The following NUDCD3 variants were observed in gnomAD, a reference collection of about 807,000 sequenced individuals.
NUDCD3 encodes the protein NudC domain containing 3.
NUDCD3 carries 13 observed loss-of-function variants against 39.7 expected under a neutral mutation model. The observed-to-expected ratio is 0.33, with a 90% CI of 0.21 to 0.52. The LOEUF (loss-of-function observed/expected upper bound fraction) is 0.52. Among genes scored for constraint, NUDCD3 ranks in the 20% least tolerant of loss-of-function variants. NUDCD3 has a pLI of 0.96. For synonymous variants in NUDCD3, 175 were observed against 172.4 expected (o/e 1.02, Z -0.12); for missense variants, 453 against 458.1 (o/e 0.99, Z 0.10).
chr7:44,432,201 G>C (rs1250486368), intron 2 of NUDCD3, among the ~76,000 whole-genome samples: 1 of 152,196 alleles, frequency 6.6e-6, no homozygotes, highest in African/African-American at 2.4e-5. Context: ...AGAATAGCTT[G>C]AGCCCAGGCG....
chr7:44,423,495 A>G (rs928223723), intron 3 of NUDCD3, among the ~76,000 whole-genome samples: 1 of 152,162 alleles, frequency 6.6e-6, no homozygotes, highest in African/African-American at 2.4e-5. Flanking sequence ...CTATATACCA[A>G]TAATAGACAA....
intron 3 of NUDCD3, among the ~76,000 whole-genome samples, 184 bp from the exon 4 acceptor site, chr7:44,404,767 T>C (rs947433111): frequency 2.3e-5 from 1 of 43,016 alleles, no homozygotes; most frequent in Non-Finnish European, 4.4e-5. Context: ...AACCTGAAGA[T>C]GTCAGCTCAT....
chr7:44,418,036 C>T (rs1458688785), intron 3 of NUDCD3, among the ~76,000 whole-genome samples: 1 of 152,092 alleles, frequency 6.6e-6, no homozygotes, highest in African/African-American at 2.4e-5. Context: ...TGCCATGGAC[C>T]CCACCCAAAC....
At chr7:44,464,231 A>G (rs867049155) in intron 2 of NUDCD3, among the ~76,000 whole-genome samples, 31 of 113,906 alleles carry the variant, frequency 2.7e-4, no homozygotes, top group Non-Finnish European at 4.7e-4. Flanking sequence ...AAAAAAAAAG[A>G]AAAAGAAAAC....
At position 44,385,364 on chromosome 7, in the gene NUDCD3, C is replaced by G. The variant is rs1798383356; in HGVS notation, c.*647G>C. 1 of 152,350 alleles carries G rather than the reference C, an allele frequency of 6.6e-6. No homozygotes were observed. The highest frequency in any genetic ancestry group is 1.5e-5 in the Non-Finnish European group (1 of 68,124). The allele number at this position is 152,350 out of a possible 1,614,324, so 9.4% of individuals were successfully genotyped here. ...CTGCATCTGGACCTGAGCCCAGAACCTAGGCTTTCTCCGAACAACTAGAAC... is the reference window on the plus strand; with the variant it reads ...CTGCATCTGGACCTGAGCCCAGAACGTAGGCTTTCTCCGAACAACTAGAAC... On this transcript the variant is annotated 3_prime_UTR_variant, in exon 6 of 6. Coordinates refer to ENST00000355451, the MANE Select transcript of NUDCD3 (RefSeq NM_015332.4).
At chr7:44,473,211 A>G (rs1023435644) in intron 2 of NUDCD3, among the ~76,000 whole-genome samples, 1 of 152,262 alleles carries the variant, frequency 6.6e-6, no homozygotes, top group Non-Finnish European at 1.5e-5. Context: ...GGCCACACTC[A>G]GACCAATTAA....
intron 5 of NUDCD3, among the ~76,000 whole-genome samples, chr7:44,390,668 C>T (rs1016541474): frequency 3.9e-5 from 6 of 152,234 alleles, no homozygotes; most frequent in Admixed American, 6.5e-5. Flanking sequence ...CTCATGAATA[C>T]ATCTCAGTCC....
intron 3 of NUDCD3, among the ~76,000 whole-genome samples, chr7:44,425,329 T>A (rs1799213130): frequency 1.3e-5 from 2 of 151,910 alleles, no homozygotes; most frequent in African/African-American, 4.8e-5. Context: ...AAAAAAGAAA[T>A]TTACAACAAA....
intron 1 of NUDCD3, 85 bp from the exon 2 acceptor site, chr7:44,485,369 A>G: frequency 8.3e-7 from 1 of 1,210,168 alleles, no homozygotes; most frequent in East Asian, 2.4e-5. Context: ...AAATCTGTGA[A>G]GGAGAGAACT....
chr7:44,406,915 G>A (rs1315191056), intron 3 of NUDCD3, among the ~76,000 whole-genome samples: 1 of 152,100 alleles, frequency 6.6e-6, no homozygotes, highest in Admixed American at 6.5e-5. Context: ...GTTGGGAGTC[G>A]GCAGGTATGC....
In NUDCD3 at chr7:44,427,688, G is replaced by C. The variant is rs777794280; in HGVS notation, c.525C>G (p.Phe175Leu). Residue 175 changes from phenylalanine to leucine, a missense_variant, in exon 3 of 6, where the codon TTC (phenylalanine) becomes TTG (leucine). Physicochemically the swap from Phe to Leu is conservative, Grantham distance 22 (BLOSUM62 0). Coordinates refer to ENST00000355451, the MANE Select transcript of NUDCD3 (RefSeq NM_015332.4). ...CATTGTAACTGTCGGGATTTTTCTG[G>C]AACTGCTCCTGAATCCTGAGAAAGA... ...PPILPRIQEQ[F>L]QKNPDSYNGA... is the part of the protein sequence containing the mutation. 26 of 1,613,910 alleles carry C rather than the reference G, an allele frequency of 1.6e-5. No homozygotes were observed. The highest frequency in any genetic ancestry group is 2.1e-5 in the Non-Finnish European group (25 of 1,179,944).
At chr7:44,475,948 A>C (rs933945463) in intron 2 of NUDCD3, among the ~76,000 whole-genome samples, 1 of 152,218 alleles carries the variant, frequency 6.6e-6, no homozygotes. Flanking sequence ...TAAGAGAAAT[A>C]ATAGTAACGA....
intron 2 of NUDCD3, among the ~76,000 whole-genome samples, chr7:44,436,253 CATG>C (rs1423624474): frequency 4.6e-5 from 7 of 152,086 alleles, no homozygotes; most frequent in African/African-American, 1.7e-4. Context: ...GGTGAAATTA[CATG>C]ATGTCTGGGA....
chr7:44,468,327 GT>G (rs1312269497), intron 2 of NUDCD3: 1 of 432,808 alleles, frequency 2.3e-6, no homozygotes, highest in Non-Finnish European at 3.7e-6. Flanking sequence ...CACGTTTTCT[GT>G]TTAAATAAAT....
chr7:44,379,399 G>A lies in NUDCD3; in HGVS notation c.*6612C>T, dbSNP rs1252074383. 1 of 151,928 alleles carries A rather than the reference G, an allele frequency of 6.6e-6. No homozygotes were observed. The highest frequency in any genetic ancestry group is 2.4e-5 in the African/African-American group (1 of 41,294). 9.4% of individuals were successfully genotyped at this position (151,928 alleles called of 1,614,324 possible). A position where few individuals can be genotyped will look rare whatever the true frequency, so the allele number is the denominator to read the frequency against. ...GGCGGGGCGGGGTGGGGGGGAACAG[G>A]GGACAGGGGTGGTCACAGGAGTCCT... On this transcript the variant is annotated 3_prime_UTR_variant, in exon 6 of 6. Coordinates refer to ENST00000355451, the MANE Select transcript of NUDCD3 (RefSeq NM_015332.4).
intron 2 of NUDCD3, among the ~76,000 whole-genome samples, chr7:44,445,766 A>C (rs865832336): frequency 2.0e-5 from 3 of 152,262 alleles, no homozygotes; most frequent in African/African-American, 7.2e-5. Context: ...TGAAGCAATG[A>C]GTTCTCTAAT....
chr7:44,390,637 A>G (rs1798496506), intron 5 of NUDCD3, among the ~76,000 whole-genome samples: 1 of 151,902 alleles, frequency 6.6e-6, no homozygotes, highest in South Asian at 2.1e-4. Context: ...GTCAAAACAG[A>G]CTCTTTCTCC....
At chr7:44,489,305 G>C (rs1800683290) in intron 1 of NUDCD3, among the ~76,000 whole-genome samples, 1 of 152,200 alleles carries the variant, frequency 6.6e-6, no homozygotes, top group Non-Finnish European at 1.5e-5. Context: ...CCACTGACAA[G>C]GACGAGGAAT....
intron 2 of NUDCD3, among the ~76,000 whole-genome samples, chr7:44,464,801 A>G (rs1487464961): frequency 1.3e-5 from 2 of 152,140 alleles, no homozygotes; most frequent in South Asian, 2.1e-4. Flanking sequence ...CTATGGACCA[A>G]TACCCTTTTA....
Sources: allele counts gnomAD v4.1 joint callset (sites outside exome capture counted in the v4.1 genomes callset), GRCh38; gene constraint gnomAD v4.1.1; transcripts MANE v1.5; gene names NCBI Gene and HGNC (gene_info 2026-07-23, HGNC 2026-07-21).